MYH7B: variants seen among roughly 807,000 people sequenced by gnomAD.
MYH7B encodes the protein myosin-7B.
Under a neutral mutation model 234.5 loss-of-function variants are expected in MYH7B, and 205 were observed. The ratio of observed to expected loss-of-function variants is 0.87; its 90% CI spans 0.78 to 0.98. The LOEUF (loss-of-function observed/expected upper bound fraction) is 0.98, where lower values mean the gene tolerates loss of function less well. Among genes scored for constraint, MYH7B ranks in the 50% least tolerant of loss-of-function variants. The probability of loss-of-function intolerance (pLI) is 0.00; values close to 1 mark genes in which losing one functional copy is unlikely to be tolerated. For missense variants in MYH7B, 2,652 were observed against 2,633.4 expected (o/e 1.01, Z -0.15); for synonymous variants, 1,193 against 1,105.0 (o/e 1.08, Z -1.58).
In MYH7B at chr20:34,984,841, C is replaced by T. The variant is rs1441565742; in HGVS notation, c.649-13C>T. The T allele has an allele frequency of 1.2e-6, 2 of 1,611,900 alleles. No homozygotes were observed. Among genetic ancestry groups the T allele is most frequent in the African/African-American group, 1.3e-5 (1 of 75,000 alleles). ...ACCAGAACTGACAGACCCCCTCACC[C>T]CCACCGCCCCAGGGCACCCTTGAGG... On this transcript the variant is annotated splice_polypyrimidine_tract_variant and intron_variant, in intron 11 of 44. Transcript: ENST00000262873.
rs752098176 is a variant in MYH7B at position 35,001,120 on chromosome 20, C to T, written c.5437C>T (p.Arg1813Cys). ...TGAGGAGGCAGAACAGGCCGCCCTC[C>T]GTGGCGGGAAGAAGCAGGTGCAGAA... The change falls in exon 41 of 45, where the codon CGT becomes TGT. Residue 1813 changes from arginine to cysteine, a missense_variant. Arg to Cys is a radical substitution (Grantham distance 180). Coordinates refer to ENST00000262873, the Ensembl canonical transcript of MYH7B. The T allele has an allele frequency of 8.1e-6, 13 of 1,613,804 alleles. No homozygotes were observed. The highest frequency in any genetic ancestry group is 3.3e-5 in the South Asian group (3 of 91,064).
intron 2 of MYH7B, among the ~76,000 whole-genome samples, chr20:34,972,664 C>T (rs2081803448): frequency 6.6e-6 from 1 of 152,112 alleles, no homozygotes; most frequent in Non-Finnish European, 1.5e-5. Context: ...GGTCTTGTTC[C>T]TGTTGCCCAC....
At chr20:34,959,678 C>G (rs1184523628) in intron 2 of MYH7B, among the ~76,000 whole-genome samples, 1 of 152,092 alleles carries the variant, frequency 6.6e-6, no homozygotes, top group African/African-American at 2.4e-5. Flanking sequence ...AGGGTTTCAC[C>G]TTGCTGTCCA....
rs543154556 is a variant in MYH7B, at chr20:34,993,488, G to C, written c.2444+18G>C. 4.0e-5 allele frequency: 63 copies of C among 1,568,874 alleles called. No individual in the cohort carries two copies. In the African/African-American group the frequency reaches 8.0e-4, roughly 20 times the overall value. On this transcript the variant is annotated intron_variant, in intron 26 of 44. Transcript: ENST00000262873. ...GGAGGCAGGTGGGTGTGGGAAGGAGGCTGGGGACAGGGTGTGTCCCCTGCC... is the reference window on the plus strand; with the variant it reads ...GGAGGCAGGTGGGTGTGGGAAGGAGCCTGGGGACAGGGTGTGTCCCCTGCC...
At chr20:35,001,605 C>A in intron 43 of MYH7B, 79 bp downstream of exon 43, 1 of 1,258,186 alleles carries the variant, frequency 7.9e-7, no homozygotes, top group Non-Finnish European at 1.1e-6. Flanking sequence ...GAGGCATCAG[C>A]AGCAGCTCCA....
At chr20:34,990,702 C>A (rs146983692) in intron 22 of MYH7B, 36 bp from the exon 23 acceptor site, 3 of 1,601,932 alleles carry the variant, frequency 1.9e-6, no homozygotes, top group South Asian at 1.1e-5. Flanking sequence ...TTCTCTGCCC[C>A]CTTTGTGCCT....
In MYH7B at chr20:34,994,333, C is replaced by T; in HGVS notation, c.2632C>T (p.Gln878Ter). The change falls in exon 27 of 45, where the codon CAG (glutamine) becomes TAG (stop). Residue 878 changes from glutamine to a stop codon, truncating the protein, a stop_gained. Coordinates refer to ENST00000262873, the Ensembl canonical transcript of MYH7B. LOFTEE classifies it high-confidence loss of function. ...GCTGGCTGCGGCCGAGGCCAAGCGC[C>T]AGGAACTGGAGGAGACGCACGTCAG... The T allele has an allele frequency of 6.2e-7, 1 of 1,609,292 alleles. No homozygotes were observed. The highest frequency in any genetic ancestry group is 8.5e-7 in the Non-Finnish European group (1 of 1,177,824).
chr20:34,987,540 C>T lies in MYH7B; in HGVS notation c.1148-17C>T, dbSNP rs765391665. 4.6e-6 allele frequency: 7 copies of T among 1,507,516 alleles called. No individual in the cohort carries two copies. The highest frequency in any genetic ancestry group is 2.2e-5 in the African/African-American group (1 of 46,322). 93.4% of individuals were successfully genotyped at this position (1,507,516 alleles called of 1,614,324 possible). A position where few individuals can be genotyped will look rare whatever the true frequency, so the allele number is the denominator to read the frequency against. ...ATGGTGGTGTCCTCCTCCCTTACCC[C>T]ACTCGTGCCCTGCCAGGTGCTGACA... On this transcript the variant is annotated splice_polypyrimidine_tract_variant and intron_variant, in intron 16 of 44. Transcript: ENST00000262873.
exon 12 of MYH7B, chr20:34,984,858 C>T (rs764850371): frequency 6.8e-6 from 11 of 1,613,698 alleles, no homozygotes; most frequent in Admixed American, 1.7e-5. Flanking sequence ...CCCCAGGGCA[C>T]CCTTGAGGAT....
intron 24 of MYH7B, among the ~76,000 whole-genome samples, chr20:34,992,892 G>C (rs185144383): frequency 4.4e-4 from 67 of 152,220 alleles, no homozygotes; most frequent in South Asian, 2.9e-3. Context: ...ATTTTAAGTG[G>C]AGTGTCCCTA....
chr20:34,995,641 G>T, intron 28 of MYH7B, 63 bp downstream of exon 28: 1 of 1,595,876 alleles, frequency 6.3e-7, no homozygotes, highest in Non-Finnish European at 8.5e-7. Context: ...GGGCCAGGTG[G>T]CTGCAGGTCC....
chr20:34,959,146 C>T (rs549676781), intron 2 of MYH7B, among the ~76,000 whole-genome samples: 5 of 152,332 alleles, frequency 3.3e-5, no homozygotes, highest in East Asian at 3.9e-4. Context: ...GCTATAGACT[C>T]GTCTGAGATC....
At chr20:34,960,121 G>C (rs967586212) in intron 2 of MYH7B, among the ~76,000 whole-genome samples, 4 of 152,140 alleles carry the variant, frequency 2.6e-5, no homozygotes, top group African/African-American at 9.6e-5. Flanking sequence ...GTCTGAATTA[G>C]GTGAAAAAAG....
exon 39 of MYH7B, chr20:35,000,527 T>G: frequency 1.3e-6 from 2 of 1,592,466 alleles, no homozygotes; most frequent in South Asian, 2.2e-5. Flanking sequence ...GGCTGGCAGC[T>G]GAGCTCCACG....
chr20:35,000,867 GAGA>G, exon 40 of MYH7B: 3 of 1,613,482 alleles, frequency 1.9e-6, no homozygotes, highest in Non-Finnish European at 2.5e-6. Flanking sequence ...GGAGGCTGAG[GAGA>G]AGGCCAAAAA....
Position 34,995,391 on chromosome 20 carries a change from AG to A in MYH7B, c.2758del (p.Val920CysfsTer7). ...CGCTGCCACTTGCTGATCAAGTCCAAGGTGCAGCTGGAGGGGAAGGTGAAGG... is the reference window on the plus strand; with the variant it reads ...CGCTGCCACTTGCTGATCAAGTCCAAGTGCAGCTGGAGGGGAAGGTGAAGG... On this transcript the variant is annotated frameshift_variant, in exon 28 of 45. Coordinates refer to ENST00000262873, the Ensembl canonical transcript of MYH7B. LOFTEE classifies it high-confidence loss of function. 3.7e-6 allele frequency: 6 copies of A among 1,614,052 alleles called. No homozygotes were observed. The highest frequency in any genetic ancestry group is 5.1e-6 in the Non-Finnish European group (6 of 1,179,994).
At chr20:34,962,090 G>A (rs1437380257) in intron 2 of MYH7B, among the ~76,000 whole-genome samples, 1 of 152,152 alleles carries the variant, frequency 6.6e-6, no homozygotes, top group African/African-American at 2.4e-5. Context: ...AGCCGGGCGT[G>A]GTGGCATGCG....
chr20:35,001,723 C>G (rs1396826417), intron 43 of MYH7B, 197 bp downstream of exon 43: 1 of 852,232 alleles, frequency 1.2e-6, no homozygotes, highest in Admixed American at 2.9e-5. Context: ...TTCCCCTGGC[C>G]AAGGCTGGGG....
chr20:34,960,874 C>T (rs548578465), intron 2 of MYH7B, among the ~76,000 whole-genome samples: 3 of 152,304 alleles, frequency 2.0e-5, no homozygotes, highest in African/African-American at 4.8e-5. Flanking sequence ...CATTTACACC[C>T]CCACAGTCAT....
Sources: allele counts gnomAD v4.1 joint callset (sites outside exome capture counted in the v4.1 genomes callset), GRCh38; gene constraint gnomAD v4.1.1; transcripts MANE v1.5; gene names NCBI Gene and HGNC (gene_info 2026-07-23, HGNC 2026-07-21).